SCFD2: variants seen among roughly 807,000 people sequenced by gnomAD.
SCFD2 encodes the protein sec1 family domain containing 2.
In SCFD2, 54 loss-of-function variants were observed where a neutral mutation model predicts 58.9. That is an observed-to-expected ratio of 0.92 (90% CI 0.74 to 1.15). The LOEUF (loss-of-function observed/expected upper bound fraction) is 1.15, where lower values mean the gene tolerates loss of function less well. SCFD2 is among the 50% of genes most tolerant of loss of function. The pLI is 0.00. For missense variants in SCFD2, 805 were observed against 836.6 expected, an observed-to-expected ratio of 0.96 and a Z score of 0.47; for synonymous variants, 321 against 335.9, an observed-to-expected ratio of 0.96 and a Z score of 0.49.
At chr4:53,271,329 A>ACG (rs1012114030) in intron 4 of SCFD2, among the ~76,000 whole-genome samples, 21 of 151,964 alleles carry the variant, frequency 1.4e-4, no homozygotes, top group Non-Finnish European at 2.9e-4. Context: ...ACACACACAC[A>ACG]CACAGCACAA....
chr4:53,239,238 C>T (rs1193637322), intron 4 of SCFD2, among the ~76,000 whole-genome samples: 1 of 152,008 alleles, frequency 6.6e-6, no homozygotes, highest in South Asian at 2.1e-4. Context: ...CAATCGCAGG[C>T]ACTCGGCAGG....
intron 8 of SCFD2, among the ~76,000 whole-genome samples, chr4:52,883,468 C>A (rs967634665): frequency 6.6e-6 from 1 of 152,178 alleles, no homozygotes; most frequent in Non-Finnish European, 1.5e-5. Context: ...CAAGGCTGAT[C>A]CTTAAGCTCA....
At chr4:53,113,840 T>G (rs1229556576) in intron 5 of SCFD2, among the ~76,000 whole-genome samples, 1 of 151,936 alleles carries the variant, frequency 6.6e-6, no homozygotes, top group Non-Finnish European at 1.5e-5. Flanking sequence ...AATGAGGCAT[T>G]ATTTCTTCTC....
chr4:53,306,748 G>A (rs1732529166), intron 3 of SCFD2, among the ~76,000 whole-genome samples: 2 of 152,198 alleles, frequency 1.3e-5, no homozygotes, highest in South Asian at 4.1e-4. Context: ...CATAAAAAGA[G>A]CTGTGTGTCC....
chr4:53,185,367 C>A (rs1393542630), intron 4 of SCFD2, among the ~76,000 whole-genome samples: 1 of 152,000 alleles, frequency 6.6e-6, no homozygotes, highest in African/African-American at 2.4e-5. Flanking sequence ...AGATATATTA[C>A]AGAAGTAAGT....
intron 4 of SCFD2, 74 bp from the exon 5 acceptor site, chr4:53,145,656 G>T: frequency 7.4e-7 from 1 of 1,357,074 alleles, no homozygotes; most frequent in Non-Finnish European, 1.0e-6. Flanking sequence ...TTAGTCGAAT[G>T]ATAGCTTTCA....
At chr4:52,929,536 C>G (rs150853327) in intron 5 of SCFD2, among the ~76,000 whole-genome samples, 8 of 152,228 alleles carry the variant, frequency 5.3e-5, no homozygotes, top group Non-Finnish European at 1.2e-4. Context: ...AAGTGGCTGC[C>G]CAGCTAGAAT....
chr4:53,068,346 A>C (rs554090121), intron 5 of SCFD2, among the ~76,000 whole-genome samples: 13 of 152,170 alleles, frequency 8.5e-5, no homozygotes, highest in African/African-American at 3.1e-4. Context: ...ATCAATTGGC[A>C]ATTTTTCTAT....
chr4:53,182,542 T>C (rs1727604259), intron 4 of SCFD2, among the ~76,000 whole-genome samples: 1 of 152,184 alleles, frequency 6.6e-6, no homozygotes, highest in South Asian at 2.1e-4. Context: ...CCTAAAACCA[T>C]AAAAACCCTA....
intron 4 of SCFD2, among the ~76,000 whole-genome samples, chr4:53,264,312 A>G (rs1304303127): frequency 2.0e-5 from 3 of 152,172 alleles, no homozygotes; most frequent in African/African-American, 7.2e-5. Context: ...TGGTCTGTGC[A>G]TTCTCTCAGC....
intron 3 of SCFD2, among the ~76,000 whole-genome samples, chr4:53,309,994 G>A (rs1732638565): frequency 6.6e-6 from 1 of 152,128 alleles, no homozygotes; most frequent in South Asian, 2.1e-4. Context: ...TTCACCCTCA[G>A]ATATAATTGA....
chr4:53,277,994 A>C lies in SCFD2; in HGVS notation c.1136-3993T>G, dbSNP rs541208196. ...CGTGAACCCGGGAGGCGGAGCTTGC[A>C]GTAAGCGGAGATCCGGCCACTGCAC... On this transcript the variant is annotated intron_variant, in intron 3 of 8. Transcript: ENST00000401642. Among the ~76,000 whole-genome samples, 4 of 150,720 alleles carry C rather than the reference A, an allele frequency of 2.7e-5. No individual in the cohort carries two copies. In the South Asian group the frequency reaches 8.4e-4, roughly 32 times the overall value.
rs35987744 is a variant in SCFD2, at chr4:53,270,321, T to TA, written c.1311+3504dup. ...ACAAAATGCAACACTAATGCATCACTAAAAAAAAAATACAGCAAACTAGGA... is the reference window on the plus strand; with the variant it reads ...ACAAAATGCAACACTAATGCATCACTAAAAAAAAAAATACAGCAAACTAGGA... On this transcript the variant is annotated intron_variant, in intron 4 of 8. Coordinates refer to ENST00000401642, the MANE Select transcript of SCFD2 (RefSeq NM_152540.4). Among the ~76,000 whole-genome samples the TA allele has an allele frequency of 3.1e-3, 461 of 148,134 alleles. 12 individuals are homozygous for TA. In the East Asian group the frequency reaches 0.056, roughly 18 times the overall value.
chr4:52,900,737 A>G (rs940440011), intron 7 of SCFD2, among the ~76,000 whole-genome samples: 2 of 152,208 alleles, frequency 1.3e-5, no homozygotes, highest in South Asian at 4.1e-4. Context: ...CTGCCCCCAG[A>G]GGTGGAGCCT....
At chr4:53,101,859 C>A (rs532803502) in intron 5 of SCFD2, among the ~76,000 whole-genome samples, 50 of 151,762 alleles carry the variant, frequency 3.3e-4, no homozygotes, top group African/African-American at 1.0e-3. Flanking sequence ...TAAAAAAAAA[C>A]CAATAAGCTT....
intron 2 of SCFD2, among the ~76,000 whole-genome samples, chr4:53,339,777 A>G (rs2149144212): frequency 6.7e-6 from 1 of 149,556 alleles, no homozygotes; most frequent in African/African-American, 2.4e-5. Flanking sequence ...CTCAAAAAAG[A>G]AAAAAAAAAG....
intron 5 of SCFD2, among the ~76,000 whole-genome samples, chr4:53,127,042 G>A (rs1725649777): frequency 6.6e-6 from 1 of 152,162 alleles, no homozygotes; most frequent in Non-Finnish European, 1.5e-5. Flanking sequence ...TGAAGAAGTA[G>A]AGAAAGAAAC....
intron 4 of SCFD2, among the ~76,000 whole-genome samples, chr4:53,197,360 T>G (rs1213717458): frequency 6.6e-6 from 1 of 152,122 alleles, no homozygotes; most frequent in Non-Finnish European, 1.5e-5. Context: ...GAAAGGATTA[T>G]CCAAAGTCTT....
chr4:53,342,816 G>A (rs1190733415), intron 2 of SCFD2, among the ~76,000 whole-genome samples: 7 of 152,070 alleles, frequency 4.6e-5, no homozygotes, highest in East Asian at 1.9e-4. Flanking sequence ...ACTCAAAACC[G>A]CTCAACTACA....
Sources: gnomAD v4.1 joint callset for allele counts (sites outside exome capture counted in the v4.1 genomes callset) on GRCh38, gnomAD v4.1.1 for gene constraint, MANE v1.5 for transcripts, NCBI Gene and HGNC (gene_info 2026-07-23, HGNC 2026-07-21) for gene names.